PTPRU: variants seen among roughly 807,000 people sequenced by gnomAD.
The protein encoded by PTPRU is receptor-type tyrosine-protein phosphatase U.
Under a neutral mutation model 166.3 loss-of-function variants are expected in PTPRU, and 69 were observed. The observed-to-expected ratio is 0.41, with a 90% CI of 0.34 to 0.51. PTPRU has a LOEUF of 0.51. Among genes scored for constraint, PTPRU ranks in the 20% least tolerant of loss-of-function variants. PTPRU has a pLI of 0.09. For missense variants in PTPRU, 1,657 were observed against 2,013.7 expected, an observed-to-expected ratio of 0.82 and a Z score of 3.39; for synonymous variants, 793 against 814.0, an observed-to-expected ratio of 0.97 and a Z score of 0.44.
intron 12 of PTPRU, 25 bp from the exon 13 acceptor site, chr1:29,283,915 C>G: frequency 6.2e-7 from 1 of 1,614,038 alleles, no homozygotes; most frequent in Non-Finnish European, 8.5e-7. Flanking sequence ...TTCAGCAACG[C>G]TGAGACCCCC....
chr1:29,261,386 G>A (rs1054310942), intron 7 of PTPRU, among the ~76,000 whole-genome samples: 2 of 152,212 alleles, frequency 1.3e-5, no homozygotes, highest in African/African-American at 2.4e-5. Context: ...TGTTGAGCCT[G>A]AGGTCTGCTC....
intron 18 of PTPRU, chr1:29,307,006 G>T: frequency 3.5e-6 from 4 of 1,136,338 alleles, no homozygotes; most frequent in Non-Finnish European, 3.9e-6. Flanking sequence ...GCCCGTCTCC[G>T]CTCTGCCTGC....
chr1:29,306,689 C>T (rs1687405729), intron 18 of PTPRU, among the ~76,000 whole-genome samples: 1 of 152,122 alleles, frequency 6.6e-6, no homozygotes, highest in Admixed American at 6.5e-5. Flanking sequence ...CCTGGGGGGC[C>T]AGGCAGAGCA....
At position 29,271,562 on chromosome 1, in the gene PTPRU, T is replaced by C. The variant is rs1486893945; in HGVS notation, c.1145-3886T>C. The stretch of plus-strand genomic sequence containing the variant: ...TGCTATCTTGGGCCCTGTAAGGTGA[T>C]TTGAAGAAGCTTGAGTAGGTTGCCA... On this transcript the variant is annotated intron_variant, in intron 7 of 29. Coordinates refer to ENST00000373779, the MANE Select transcript of PTPRU (RefSeq NM_133178.4). This position sits in a 1 kb window ranked among gnomAD's most constrained non-coding sequence, Gnocchi z 4.4. Among the ~76,000 whole-genome samples, 1 of 152,174 alleles carries C rather than the reference T, an allele frequency of 6.6e-6. No individual in the cohort carries two copies. Among genetic ancestry groups the C allele is most frequent in the African/African-American group, 2.4e-5 (1 of 41,432 alleles).
In PTPRU at chr1:29,281,415, T is replaced by C. The variant is rs184410411; in HGVS notation, c.1869-1261T>C. Among the ~76,000 whole-genome samples the C allele has an allele frequency of 2.0e-5, 3 of 152,234 alleles. No homozygotes were observed. In the East Asian group the frequency reaches 5.8e-4, roughly 29 times the overall value. Reference sequence around the variant, plus strand: ...TCTTTCTTGTCCTCTTGAGGGATCCTGTGAGCAGCACTGGTCAGGGTCCCT... The same window carrying C: ...TCTTTCTTGTCCTCTTGAGGGATCCCGTGAGCAGCACTGGTCAGGGTCCCT... On this transcript the variant is annotated intron_variant, in intron 11 of 29. Transcript: ENST00000373779.
chr1:29,259,595 C>T, intron 5 of PTPRU, 31 bp downstream of exon 5: 3 of 265,620 alleles, frequency 1.1e-5, no homozygotes, highest in Admixed American at 4.9e-5. Context: ...TGGCTGGGGG[C>T]GGGGTGGGAG....
At chr1:29,247,722 T>C (rs1684362692) in intron 1 of PTPRU, among the ~76,000 whole-genome samples, 1 of 152,228 alleles carries the variant, frequency 6.6e-6, no homozygotes, top group Admixed American at 6.5e-5. Context: ...GTGGCAGCTC[T>C]ACTGCTAACT....
chr1:29,304,795 G>A lies in PTPRU; in HGVS notation c.2689G>A (p.Ala897Thr), dbSNP rs747115361. 20 of 1,611,848 alleles carry A rather than the reference G, an allele frequency of 1.2e-5. No individual in the cohort carries two copies. The highest frequency in any genetic ancestry group is 7.7e-5 in the South Asian group (7 of 90,872). Reference protein sequence around the residue: ...EYESFFEGWDATKKKDKVKGS... With the variant: ...EYESFFEGWDTTKKKDKVKGS... ...GTAGAGCTTCTTTGAAGGCTGGGAC[G>A]CCACAAAGAAGAAAGACAAGGTCAA... is the stretch of plus-strand genomic sequence containing the variant. Residue 897 changes from alanine to threonine, a missense_variant, in exon 17 of 30, where the codon GCC becomes ACC. Physicochemically the swap from Ala to Thr is moderately conservative, Grantham distance 58 (BLOSUM62 0). This residue lies in a region of PTPRU where 1,190 missense variants were observed against 1,477.4 expected (regional missense o/e 0.81). Coordinates refer to ENST00000373779, the MANE Select transcript of PTPRU (RefSeq NM_133178.4).
chr1:29,272,293 A>G (rs527954634), intron 7 of PTPRU, among the ~76,000 whole-genome samples: 7 of 152,318 alleles, frequency 4.6e-5, no homozygotes, highest in Non-Finnish European at 1.0e-4. Context: ...CCAGCCCCTC[A>G]GTGTCCATAT....
chr1:29,283,702 G>T, intron 12 of PTPRU: 1 of 535,306 alleles, frequency 1.9e-6, no homozygotes, highest in Non-Finnish European at 3.3e-6. Context: ...TCCCCAAGAC[G>T]TTTGTTTCTC....
intron 15 of PTPRU, among the ~76,000 whole-genome samples, chr1:29,293,463 C>T (rs9426310): frequency 0.28 from 42,180 of 148,506 alleles, 7,316 homozygotes; most frequent in East Asian, 0.64. Context: ...CTACCTTTTT[C>T]GGGGGTAGTT....
At chr1:29,252,993 A>T (rs1465210389) in intron 1 of PTPRU, among the ~76,000 whole-genome samples, 1 of 152,228 alleles carries the variant, frequency 6.6e-6, no homozygotes, top group Non-Finnish European at 1.5e-5. Context: ...GGCCTCCAGA[A>T]CTTCTGGCCG....
intron 26 of PTPRU, 166 bp from the exon 27 acceptor site, chr1:29,323,205 A>T: frequency 1.1e-6 from 1 of 878,536 alleles, no homozygotes; most frequent in Non-Finnish European, 1.7e-6. Flanking sequence ...CCTGTGGGCA[A>T]CTGGTGGTGA....
Position 29,237,017 on chromosome 1 carries a change from G to A in PTPRU, c.73+300G>A, listed in dbSNP as rs1683799465. On this transcript the variant is annotated intron_variant, in intron 1 of 29. Coordinates refer to ENST00000373779, the MANE Select transcript of PTPRU (RefSeq NM_133178.4). This position sits in a 1 kb window ranked among gnomAD's most constrained non-coding sequence, Gnocchi z 6.4. ...TCTTGTGGGTCTGCCAGTGTGTAGTGTTTGTGTGGCCAAGTGGGTTGTGTG... is the reference window on the plus strand; with the variant it reads ...TCTTGTGGGTCTGCCAGTGTGTAGTATTTGTGTGGCCAAGTGGGTTGTGTG... 6.6e-6 allele frequency among the ~76,000 whole-genome samples: 1 copy of A among 152,174 alleles called. No individual in the cohort carries two copies. The highest frequency in any genetic ancestry group is 1.5e-5 in the Non-Finnish European group (1 of 68,014).
At chr1:29,275,047 C>CAAA (rs1423464895) in intron 7 of PTPRU, among the ~76,000 whole-genome samples, 12 of 64,526 alleles carry the variant, frequency 1.9e-4, no homozygotes, top group African/African-American at 5.9e-4. Context: ...GAGCCTCTGT[C>CAAA]AAAAAAAAAA....
In PTPRU at chr1:29,320,735, C is replaced by T. The variant is rs1688119467; in HGVS notation, c.3738C>T (p.Ser1246=). The part of the protein sequence containing the change: ...AFIVTLHPLQ[S]TTPDFWRLVY... ...TCGTGACCCTGCACCCGCTGCAGAG[C>T]ACCACGCCCGACTTCTGGCGGCTGG... Residue 1246 remains serine (S), a synonymous_variant, in exon 26 of 30, where the codon AGC becomes AGT. Coordinates refer to ENST00000373779, the MANE Select transcript of PTPRU (RefSeq NM_133178.4). The surrounding 1 kb of genome is among the most constrained non-coding windows in gnomAD (Gnocchi z 5.2). 2 of 1,608,830 alleles carry T rather than the reference C, an allele frequency of 1.2e-6. No homozygotes were observed. Among genetic ancestry groups the T allele is most frequent in the Non-Finnish European group, 1.7e-6 (2 of 1,176,020 alleles).
At position 29,258,717 on chromosome 1, in the gene PTPRU, G is replaced by T; in HGVS notation, c.418G>T (p.Gly140Cys). 6.2e-7 allele frequency: 1 copy of T among 1,609,554 alleles called. No individual in the cohort carries two copies. Among genetic ancestry groups the T allele is most frequent in the Non-Finnish European group, 8.5e-7 (1 of 1,177,352 alleles). ...SAVWNMTGSH[G>C]RQWHQAELAV... ...TGTGTGGAATATGACTGGATCCCAC[G>T]GCCGTCAGTGGCACCAGGCTGAGCT... The change falls in exon 3 of 30, where the codon GGC (glycine) becomes TGC (cysteine). Residue 140 changes from glycine (G) to cysteine (C), a missense_variant. Around this residue, in one of 3 missense-constraint regions of PTPRU, gnomAD observed 453 missense variants for 496.9 expected, o/e 0.91. Transcript: ENST00000373779.
intron 15 of PTPRU, among the ~76,000 whole-genome samples, chr1:29,302,831 G>A (rs751465402): frequency 1.3e-5 from 2 of 152,154 alleles, no homozygotes; most frequent in Non-Finnish European, 2.9e-5. Context: ...TTACAGGTTT[G>A]AGCCACCACA....
intron 12 of PTPRU, chr1:29,283,728 C>T (rs1453562747): frequency 5.1e-6 from 3 of 589,230 alleles, no homozygotes; most frequent in South Asian, 2.2e-5. Flanking sequence ...CCTCCGATCT[C>T]ATCCCCCTTT....
Sources: allele counts gnomAD v4.1 joint callset (sites outside exome capture counted in the v4.1 genomes callset), GRCh38; gene constraint gnomAD v4.1.1; regional missense constraint gnomAD v4.1.1; non-coding constraint Gnocchi (gnomAD v3.1); transcripts MANE v1.5; gene names NCBI Gene and HGNC (gene_info 2026-07-23, HGNC 2026-07-21).